Variants in RCAN2 observed in about 807,000 individuals in gnomAD.
RCAN2 encodes the protein calcipressin-2.
In RCAN2, 9 loss-of-function variants were observed where a neutral mutation model predicts 23.6. That is an observed-to-expected ratio of 0.38 (90% CI 0.23 to 0.67). RCAN2 has a LOEUF of 0.67. Ranked by LOEUF, RCAN2 falls within the 30% of genes least tolerant of loss-of-function variation. The probability of loss-of-function intolerance (pLI) is 0.51; values close to 1 mark genes in which losing one functional copy is unlikely to be tolerated. For missense variants in RCAN2, 273 were observed against 302.3 expected, an observed-to-expected ratio of 0.90 and a Z score of 0.72; for synonymous variants, 109 against 115.7, an observed-to-expected ratio of 0.94 and a Z score of 0.37.
At chr6:46,364,951 T>A (rs1018179290) in intron 2 of RCAN2, among the ~76,000 whole-genome samples, 3 of 152,106 alleles carry the variant, frequency 2.0e-5, no homozygotes, top group African/African-American at 7.2e-5. Flanking sequence ...ATGCTCTTTC[T>A]CCAAGTACCA....
chr6:46,243,358 C>T (rs1766375209), intron 4 of RCAN2, among the ~76,000 whole-genome samples: 1 of 152,156 alleles, frequency 6.6e-6, no homozygotes, highest in Non-Finnish European at 1.5e-5. Flanking sequence ...CTAGAAAATA[C>T]ATCCAGATTG....
At chr6:46,387,443 G>A (rs868378286) in intron 2 of RCAN2, among the ~76,000 whole-genome samples, 1 of 152,046 alleles carries the variant, frequency 6.6e-6, no homozygotes, top group South Asian at 2.1e-4. Flanking sequence ...GTGGGTGAAG[G>A]ATATGAACAG....
In RCAN2 at chr6:46,410,049, C is replaced by T. The variant is rs373631454; in HGVS notation, c.225+46703G>A. On this transcript the variant is annotated intron_variant, in intron 2 of 4. Coordinates refer to ENST00000371374, the MANE Select transcript of RCAN2 (RefSeq NM_001251974.2). Reference sequence around the variant, plus strand: ...TCTCTCCTGGAGCAGGGACACTCTTCTTCTCCTACCCTTGGACATCAGAAC... The same window carrying T: ...TCTCTCCTGGAGCAGGGACACTCTTTTTCTCCTACCCTTGGACATCAGAAC... 1.5e-4 allele frequency among the ~76,000 whole-genome samples: 23 copies of T among 152,268 alleles called. No homozygotes were observed. In the East Asian group the frequency reaches 2.3e-3, roughly 15 times the overall value.
chr6:46,365,601 G>A (rs1030900023), intron 2 of RCAN2, among the ~76,000 whole-genome samples: 2 of 152,152 alleles, frequency 1.3e-5, no homozygotes, highest in Non-Finnish European at 2.9e-5. Flanking sequence ...TAAGGTATAT[G>A]ACAAAATATT....
intron 2 of RCAN2, among the ~76,000 whole-genome samples, chr6:46,426,406 G>T (rs1767033941): frequency 6.6e-6 from 1 of 152,130 alleles, no homozygotes; most frequent in Non-Finnish European, 1.5e-5. Context: ...TAAAGACACA[G>T]GAATTTTTGG....
At chr6:46,291,226 G>GA (rs1260311689) in intron 2 of RCAN2, among the ~76,000 whole-genome samples, 2 of 149,786 alleles carry the variant, frequency 1.3e-5, no homozygotes, top group African/African-American at 4.9e-5. Flanking sequence ...GAGTCAGGGG[G>GA]AAAAAAAGCT....
intron 2 of RCAN2, among the ~76,000 whole-genome samples, chr6:46,334,939 C>A (rs571080450): frequency 1.3e-4 from 19 of 151,018 alleles, no homozygotes; most frequent in Non-Finnish European, 2.1e-4. Flanking sequence ...CTGGGCAGTA[C>A]CATGTTTAAG....
intron 1 of RCAN2, among the ~76,000 whole-genome samples, chr6:46,472,511 G>A (rs904789321): frequency 6.6e-6 from 1 of 152,066 alleles, no homozygotes; most frequent in Non-Finnish European, 1.5e-5. Context: ...ATTCCCCTGT[G>A]CTCAGCCAGG....
At chr6:46,311,853 T>C (rs1763268965) in intron 2 of RCAN2, among the ~76,000 whole-genome samples, 2 of 152,186 alleles carry the variant, frequency 1.3e-5, no homozygotes, top group Admixed American at 6.5e-5. Context: ...TGTCTCCCAA[T>C]ATCCACCTTC....
At chr6:46,465,035 A>G (rs1433494003) in intron 1 of RCAN2, among the ~76,000 whole-genome samples, 78 of 152,288 alleles carry the variant, frequency 5.1e-4, no homozygotes, top group Non-Finnish European at 8.8e-5. Context: ...TTCAATAAAC[A>G]TAATAAAAAG....
At chr6:46,314,645 T>C (rs1237413883) in intron 2 of RCAN2, among the ~76,000 whole-genome samples, 1 of 152,202 alleles carries the variant, frequency 6.6e-6, no homozygotes, top group Non-Finnish European at 1.5e-5. Context: ...TAAGCATTAC[T>C]GCGGTGAAAC....
intron 2 of RCAN2, among the ~76,000 whole-genome samples, chr6:46,306,630 G>T (rs1763078732): frequency 6.6e-6 from 1 of 152,094 alleles, no homozygotes; most frequent in South Asian, 2.1e-4. Context: ...TCACACTCTG[G>T]TTGACATGGC....
intron 1 of RCAN2, among the ~76,000 whole-genome samples, chr6:46,478,779 C>T (rs1227867871): frequency 6.6e-6 from 1 of 152,200 alleles, no homozygotes; most frequent in Non-Finnish European, 1.5e-5. Flanking sequence ...TCATTTTGGA[C>T]AGACTGAGAG....
chr6:46,307,933 A>G (rs1763122607), intron 2 of RCAN2, among the ~76,000 whole-genome samples: 1 of 152,218 alleles, frequency 6.6e-6, no homozygotes, highest in Admixed American at 6.5e-5. Flanking sequence ...TATGTGTTAC[A>G]GTAATTATAA....
intron 2 of RCAN2, among the ~76,000 whole-genome samples, chr6:46,258,703 G>C (rs541558827): frequency 6.6e-6 from 1 of 152,236 alleles, no homozygotes; most frequent in Non-Finnish European, 1.5e-5. Context: ...CCCAGTAGCG[G>C]TCCTAAAGTT....
intron 2 of RCAN2, among the ~76,000 whole-genome samples, chr6:46,402,470 T>C (rs1766276169): frequency 6.6e-6 from 1 of 152,124 alleles, no homozygotes; most frequent in Admixed American, 6.5e-5. Flanking sequence ...ACCAGAACCC[T>C]TTTCCCCAAA....
At chr6:46,442,250 A>C (rs909493953) in intron 2 of RCAN2, among the ~76,000 whole-genome samples, 3 of 152,230 alleles carry the variant, frequency 2.0e-5, no homozygotes, top group African/African-American at 7.2e-5. Flanking sequence ...AGAACTCAAG[A>C]GTTACCTTTG....
chr6:46,351,210 A>G (rs911512873), intron 2 of RCAN2, among the ~76,000 whole-genome samples: 7 of 152,220 alleles, frequency 4.6e-5, no homozygotes, highest in African/African-American at 1.4e-4. Context: ...CCCAAAGTTC[A>G]TGTTCTTACA....
At chr6:46,256,347 G>C (rs1347064557) in intron 2 of RCAN2, among the ~76,000 whole-genome samples, 2 of 151,606 alleles carry the variant, frequency 1.3e-5, no homozygotes, top group East Asian at 3.9e-4. Context: ...TCCAGCCTGG[G>C]TGACAGAGCG....
Sources: gnomAD v4.1 joint callset for allele counts (sites outside exome capture counted in the v4.1 genomes callset) on GRCh38, gnomAD v4.1.1 for gene constraint, MANE v1.5 for transcripts, NCBI Gene and HGNC (gene_info 2026-07-23, HGNC 2026-07-21) for gene names.